NCAPD3: variants seen among roughly 807,000 people sequenced by gnomAD.
NCAPD3 encodes the protein non-SMC condensin II complex subunit D3.
A neutral mutation model predicts 182.9 loss-of-function variants in NCAPD3; 105 were observed. The ratio of observed to expected loss-of-function variants is 0.57; its 90% CI spans 0.49 to 0.68. NCAPD3 has a LOEUF of 0.68. NCAPD3 is among the 30% of genes least tolerant of loss of function. The pLI is 0.00. For missense variants in NCAPD3, 1,944 were observed against 1,837.0 expected, an observed-to-expected ratio of 1.06 and a Z score of -1.07; for synonymous variants, 815 against 679.9, an observed-to-expected ratio of 1.20 and a Z score of -3.09.
chr11:134,162,409 A>G (rs1943609924), intron 27 of NCAPD3, among the ~76,000 whole-genome samples: 1 of 152,184 alleles, frequency 6.6e-6, no homozygotes, highest in South Asian at 2.1e-4. Flanking sequence ...GAATTTATAT[A>G]TATAGTACCT....
chr11:134,170,453 TAAAC>T (rs1224718517), intron 24 of NCAPD3, among the ~76,000 whole-genome samples: 7 of 152,220 alleles, frequency 4.6e-5, no homozygotes, highest in African/African-American at 1.4e-4. Context: ...AAAAAACCAC[TAAAC>T]AAACAAGGAT....
chr11:134,172,212 C>A (rs1336166794), intron 24 of NCAPD3, among the ~76,000 whole-genome samples: 1 of 152,186 alleles, frequency 6.6e-6, no homozygotes, highest in Non-Finnish European at 1.5e-5. Context: ...CAGTTTTGCT[C>A]TCCATTCCAA....
chr11:134,181,950 C>A (rs974759459), intron 19 of NCAPD3, among the ~76,000 whole-genome samples: 4 of 152,206 alleles, frequency 2.6e-5, no homozygotes, highest in African/African-American at 9.7e-5. Context: ...TAACCATCAT[C>A]CAGTGCCTGG....
chr11:134,202,834 C>T lies in NCAPD3; in HGVS notation c.1597G>A (p.Glu533Lys). ...SGEINIDSSGETVGSGERCVM... is the reference protein window; with the variant it reads ...SGEINIDSSGKTVGSGERCVM... The stretch of plus-strand genomic sequence containing the variant: ...GACATACCTCCAGATCCAACTGTTT[C>T]ACCACTGCTGTCTATGTTGATCTCC... The change falls in exon 13 of 35, where the codon GAA (glutamate) becomes AAA (lysine). Residue 533 changes from glutamate (E) to lysine (K), a missense_variant. Transcript: ENST00000534548. 1 of 1,606,846 alleles carries T rather than the reference C, an allele frequency of 6.2e-7. No homozygotes were observed.
At chr11:134,225,074 C>T (rs1047491730), upstream of NCAPD3, 6 of 1,529,098 alleles carry the variant, frequency 3.9e-6, no homozygotes, top group African/African-American at 1.4e-5. Context: ...GCCCGCGCCC[C>T]GGTGCGAGGG....
At chr11:134,157,667 A>T (rs2120522308) in intron 31 of NCAPD3, among the ~76,000 whole-genome samples, 1 of 152,324 alleles carries the variant, frequency 6.6e-6, no homozygotes, top group Admixed American at 6.5e-5. Flanking sequence ...AACAAAACAA[A>T]ACACGTGTGT....
chr11:134,183,135 A>T, intron 19 of NCAPD3: 1 of 456,288 alleles, frequency 2.2e-6, no homozygotes, highest in Non-Finnish European at 4.4e-6. Context: ...TGTACACATG[A>T]TTCTTTTTCC....
At chr11:134,169,681 C>T (rs1943959672) in intron 24 of NCAPD3, among the ~76,000 whole-genome samples, 3 of 152,290 alleles carry the variant, frequency 2.0e-5, no homozygotes, top group Admixed American at 6.5e-5. Context: ...GCACATGGGA[C>T]ACAGATGCCA....
rs1000935978 is a variant in NCAPD3 at position 134,158,526 on chromosome 11, C to T, written c.3868-31G>A. The stretch of plus-strand genomic sequence containing the variant: ...AGAGAAGATAAAGAGTATGTACATT[C>T]TAATACTTTTTAAGTTTTCAAAAAC... On this transcript the variant is annotated intron_variant, in intron 29 of 34. Transcript: ENST00000534548. 4 of 1,596,070 alleles carry T rather than the reference C, an allele frequency of 2.5e-6. No individual in the cohort carries two copies. In the African/African-American group the frequency reaches 5.4e-5, roughly 21 times the overall value.
intron 24 of NCAPD3, among the ~76,000 whole-genome samples, chr11:134,172,805 A>C (rs1944043744): frequency 6.6e-6 from 1 of 152,070 alleles, no homozygotes; most frequent in Non-Finnish European, 1.5e-5. Context: ...TGGGAGGCTG[A>C]GGTGAGAAGA....
At chr11:134,170,416 T>C (rs904601123) in intron 24 of NCAPD3, among the ~76,000 whole-genome samples, 5 of 152,188 alleles carry the variant, frequency 3.3e-5, no homozygotes, top group Non-Finnish European at 5.9e-5. Flanking sequence ...AAGGGTTACT[T>C]TGGTAAACCA....
chr11:134,162,275 G>A (rs1025557089), intron 27 of NCAPD3, among the ~76,000 whole-genome samples: 16 of 152,182 alleles, frequency 1.1e-4, no homozygotes, highest in East Asian at 9.6e-4. Flanking sequence ...AAGTCAGCTC[G>A]TTCTGGCTAC....
chr11:134,193,655 A>G (rs1418932478), intron 15 of NCAPD3, among the ~76,000 whole-genome samples: 1 of 152,232 alleles, frequency 6.6e-6, no homozygotes, highest in African/African-American at 2.4e-5. Context: ...CAGGAGGCTG[A>G]GGCAGGAGAG....
chr11:134,174,313 G>T (rs1944101912), intron 24 of NCAPD3, among the ~76,000 whole-genome samples: 1 of 145,550 alleles, frequency 6.9e-6, no homozygotes, highest in Non-Finnish European at 1.5e-5. Context: ...AGCCCAGGAG[G>T]TCGAGGCTGC....
In NCAPD3 at chr11:134,185,004, G is replaced by C; in HGVS notation, c.2238-4C>G. 1 of 1,599,292 alleles carries C rather than the reference G, an allele frequency of 6.3e-7. No homozygotes were observed. The highest frequency in any genetic ancestry group is 8.6e-7 in the Non-Finnish European group (1 of 1,166,550). On this transcript the variant is annotated splice_polypyrimidine_tract_variant and splice_region_variant and intron_variant, in intron 17 of 34. Transcript: ENST00000534548. ...GTTTGAATTGGGATTCTGCTGACTA[G>C]AGAAAGGGCAGGAGGAATATGAAGG... is the stretch of plus-strand genomic sequence containing the variant.
intron 13 of NCAPD3, among the ~76,000 whole-genome samples, chr11:134,198,215 T>A (rs1258116687): frequency 2.0e-5 from 3 of 152,180 alleles, no homozygotes; most frequent in African/African-American, 7.2e-5. Flanking sequence ...TTACAATCTA[T>A]TCTCTCTGAA....
chr11:134,158,304 G>T (rs1437842578), intron 30 of NCAPD3, 25 bp downstream of exon 30: 1 of 1,613,166 alleles, frequency 6.2e-7, no homozygotes. Flanking sequence ...AACCAGCCCT[G>T]ATGTGGCCTC....
At chr11:134,224,102 C>T (rs994154897), upstream of NCAPD3, 1 of 760,500 alleles carries the variant, frequency 1.3e-6, no homozygotes, top group Non-Finnish European at 2.1e-6. Context: ...GCCGCACGCT[C>T]AGAGAACTGG....
chr11:134,207,024 G>A (rs950973026), intron 7 of NCAPD3, among the ~76,000 whole-genome samples: 1 of 152,128 alleles, frequency 6.6e-6, no homozygotes, highest in Non-Finnish European at 1.5e-5. Context: ...GGACAAATAG[G>A]GAATTAACTG....
Sources: allele counts gnomAD v4.1 joint callset (sites outside exome capture counted in the v4.1 genomes callset), GRCh38; gene constraint gnomAD v4.1.1; transcripts MANE v1.5; gene names NCBI Gene and HGNC (gene_info 2026-07-23, HGNC 2026-07-21).